Variants in SEMA6D observed in about 807,000 individuals in gnomAD.
SEMA6D encodes semaphorin 6D.
Under a neutral mutation model 106.6 loss-of-function variants are expected in SEMA6D, and 35 were observed. That is an observed-to-expected ratio of 0.33 (90% CI 0.25 to 0.44). The LOEUF (loss-of-function observed/expected upper bound fraction) is 0.44, where lower values mean the gene tolerates loss of function less well. Ranked by LOEUF, SEMA6D falls within the 20% of genes least tolerant of loss-of-function variation. The pLI is 1.00. For synonymous variants in SEMA6D, 499 were observed against 487.7 expected, an observed-to-expected ratio of 1.02 and a Z score of -0.31; for missense variants, 1,185 against 1,345.9, an observed-to-expected ratio of 0.88 and a Z score of 1.87.
At chr15:47,765,624 A>T (rs957945102) in intron 13 of SEMA6D, 5 of 546,410 alleles carry the variant, frequency 9.2e-6, no homozygotes, top group Non-Finnish European at 1.1e-5. Flanking sequence ...GCCTTCGCAA[A>T]TGCAATTCAC....
At chr15:47,489,450 A>G (rs978160969) in intron 3 of SEMA6D, among the ~76,000 whole-genome samples, 2 of 152,168 alleles carry the variant, frequency 1.3e-5, no homozygotes, top group African/African-American at 4.8e-5. Context: ...TGTCTATGGA[A>G]GTACTCACTA....
At chr15:47,614,659 G>A (rs1221263319) in intron 4 of SEMA6D, among the ~76,000 whole-genome samples, 2 of 152,104 alleles carry the variant, frequency 1.3e-5, no homozygotes, top group African/African-American at 4.8e-5. Context: ...CAACTCCCCA[G>A]TATAATTTGT....
rs1041992987 is a variant in SEMA6D at position 47,262,089 on chromosome 15, A to G, written c.-239+77671A>G. On this transcript the variant is annotated intron_variant, in intron 1 of 19. Coordinates refer to the SEMA6D transcript ENST00000558014. ...ATATGAACTCCCATTCACAATTGCC[A>G]CAAAAAGAATGAAATATCTAGGAAT... Among the ~76,000 whole-genome samples the G allele has an allele frequency of 3.2e-4, 48 of 152,170 alleles. 1 individual carries two copies. Among genetic ancestry groups the G allele is most frequent in the African/African-American group, 1.2e-3 (48 of 41,444 alleles).
At position 47,765,750 on chromosome 15, in the gene SEMA6D, T is replaced by C. The variant is rs557002119; in HGVS notation, c.1428-119T>C. On this transcript the variant is annotated intron_variant, in intron 13 of 18. Coordinates refer to ENST00000536845, the MANE Select transcript of SEMA6D (RefSeq NM_001358351.3). ...CATAATTATTATTTCCCAAGCTATG[T>C]ACTTGCCTGGTTTGTTACCAAGAAT... 1.7e-5 allele frequency: 16 copies of C among 934,104 alleles called. No individual in the cohort carries two copies. In the Admixed American group the frequency reaches 2.4e-4, roughly 14 times the overall value. The allele number at this position is 934,104 out of a possible 1,614,324, so 57.9% of individuals were successfully genotyped here.
chr15:47,755,224 G>A (rs11854427), intron 1 of SEMA6D, among the ~76,000 whole-genome samples: 26,154 of 152,014 alleles, frequency 0.17, 2,770 homozygotes, highest in Non-Finnish European at 0.22. Context: ...TATTACAGGC[G>A]TGAGCCACCA....
intron 1 of SEMA6D, among the ~76,000 whole-genome samples, chr15:47,196,691 C>T (rs990329197): frequency 1.3e-5 from 2 of 152,108 alleles, no homozygotes; most frequent in Admixed American, 6.5e-5. Context: ...TAATTTAAAT[C>T]AGCGCTAAGC....
At chr15:47,763,761 T>C (rs1175233157) in intron 9 of SEMA6D, 89 bp from the exon 10 acceptor site, 2 of 1,141,952 alleles carry the variant, frequency 1.8e-6, no homozygotes, top group Admixed American at 1.7e-5. Context: ...ATCTTTAGTA[T>C]TTTTTGTCCC....
At position 47,356,021 on chromosome 15, in the gene SEMA6D, G is replaced by T. The variant is rs561115063; in HGVS notation, c.-238-56372G>T. Among the ~76,000 whole-genome samples, 19 of 152,242 alleles carry T rather than the reference G, an allele frequency of 1.2e-4. No individual in the cohort carries two copies. The East Asian group carries it at 3.7e-3, about 29-fold the overall frequency. On this transcript the variant is annotated intron_variant, in intron 1 of 19. Transcript: ENST00000558014. ...CAAAGAGGGACAGTCTAACCCAGAG[G>T]GAAATTCAGAGGAATCATGGGAATT...
In SEMA6D at chr15:47,759,851, T is replaced by G; in HGVS notation, c.53T>G (p.Leu18Trp). ...ATACTGCTGCTGATGGTTTCCCAGT[T>G]GAGGGCAGTCAGCTTTCCTGAAGAT... ...AYILLLMVSQ[L>W]RAVSFPEDDE... The change falls in exon 2 of 19, where the codon TTG becomes TGG. Residue 18 changes from leucine (L) to tryptophan (W), a missense_variant. Around this residue, in one of 3 missense-constraint regions of SEMA6D, gnomAD observed 144 missense variants for 138.6 expected, o/e 1.04. Transcript: ENST00000536845. 6.2e-7 allele frequency: 1 copy of G among 1,613,822 alleles called. No homozygotes were observed. The highest frequency in any genetic ancestry group is 8.5e-7 in the Non-Finnish European group (1 of 1,179,758).
At chr15:47,462,456 C>G (rs2042543640) in intron 2 of SEMA6D, among the ~76,000 whole-genome samples, 1 of 152,026 alleles carries the variant, frequency 6.6e-6, no homozygotes, top group African/African-American at 2.4e-5. Flanking sequence ...CAGACGGGAA[C>G]TATATAGGTT....
intron 1 of SEMA6D, among the ~76,000 whole-genome samples, chr15:47,342,920 C>T (rs1351391305): frequency 6.6e-6 from 1 of 152,136 alleles, no homozygotes; most frequent in African/African-American, 2.4e-5. Flanking sequence ...ACCATGTTGG[C>T]CAAGCTGATC....
In SEMA6D at chr15:47,348,727, C is replaced by CACAGAG. The variant is rs1450109233; in HGVS notation, c.-238-63665_-238-63664insCAGAGA. The stretch of plus-strand genomic sequence containing the variant: ...CACACACACACACACACCACACACA[C>CACAGAG]AGAGAGAGAGAGAGAGAGAGAGAGA... On this transcript the variant is annotated intron_variant, in intron 1 of 19. Coordinates refer to the SEMA6D transcript ENST00000558014. Among the ~76,000 whole-genome samples, 242 of 57,102 alleles carry CACAGAG rather than the reference C, an allele frequency of 4.2e-3. 2 individuals carry two copies. The highest frequency in any genetic ancestry group is 0.016 in the South Asian group (16 of 974). 37.5% of individuals were successfully genotyped at this position (57,102 alleles called of 152,430 possible). A position where few individuals can be genotyped will look rare whatever the true frequency, so the allele number is the denominator to read the frequency against.
At chr15:47,278,822 T>C (rs1226923626) in intron 1 of SEMA6D, among the ~76,000 whole-genome samples, 3 of 147,832 alleles carry the variant, frequency 2.0e-5, no homozygotes, top group Non-Finnish European at 4.5e-5. Context: ...AGTTTCAGCT[T>C]TCTACATATG....
chr15:47,554,610 G>T (rs1206157867), intron 3 of SEMA6D, among the ~76,000 whole-genome samples: 1 of 152,100 alleles, frequency 6.6e-6, no homozygotes, highest in Non-Finnish European at 1.5e-5. Flanking sequence ...TTGTCATCCT[G>T]CTGCTCATTT....
chr15:47,468,079 G>C (rs1056665834), intron 2 of SEMA6D, among the ~76,000 whole-genome samples: 10 of 152,100 alleles, frequency 6.6e-5, no homozygotes, highest in African/African-American at 2.4e-4. Context: ...TATTGCACTA[G>C]ATTTGACTGC....
intron 1 of SEMA6D, among the ~76,000 whole-genome samples, chr15:47,271,748 A>G (rs2034571415): frequency 6.6e-6 from 1 of 152,176 alleles, no homozygotes; most frequent in Non-Finnish European, 1.5e-5. Context: ...GAAAATATTA[A>G]TATAAAAGGT....
At chr15:47,215,019 A>G (rs2030430584) in intron 1 of SEMA6D, among the ~76,000 whole-genome samples, 1 of 151,742 alleles carries the variant, frequency 6.6e-6, no homozygotes, top group Admixed American at 6.6e-5. Context: ...GTGGAAGCAC[A>G]TGATCTGATG....
chr15:47,691,108 C>T (rs973561825), intron 4 of SEMA6D, among the ~76,000 whole-genome samples: 7 of 152,186 alleles, frequency 4.6e-5, no homozygotes, highest in Admixed American at 1.3e-4. Context: ...CAAAGCATCC[C>T]ATCAAGAAGT....
intron 1 of SEMA6D, among the ~76,000 whole-genome samples, chr15:47,412,218 G>GA (rs911521456): frequency 3.2e-4 from 48 of 150,850 alleles, no homozygotes; most frequent in Non-Finnish European, 1.6e-4. Context: ...GCAGAGAGAG[G>GA]AAAAAAAAAG....
Sources: allele counts gnomAD v4.1 joint callset (sites outside exome capture counted in the v4.1 genomes callset), GRCh38; gene constraint gnomAD v4.1.1; regional missense constraint gnomAD v4.1.1; transcripts MANE v1.5; gene names NCBI Gene and HGNC (gene_info 2026-07-23, HGNC 2026-07-21).